The following TENM1 variants were observed in gnomAD, a reference collection of about 807,000 sequenced individuals.
TENM1 encodes the protein teneurin transmembrane protein 1.
TENM1 carries 35 observed loss-of-function variants against 174.8 expected under a neutral mutation model. The ratio of observed to expected loss-of-function variants is 0.20; its 90% CI spans 0.15 to 0.27. The LOEUF is 0.27. TENM1 is among the 10% of genes least tolerant of loss of function. The pLI is 1.00. For missense variants in TENM1, 1,633 were observed against 2,130.1 expected (o/e 0.77, Z 4.59); for synonymous variants, 781 against 798.7 (o/e 0.98, Z 0.37).
intron 24 of TENM1, among the ~76,000 whole-genome samples, chrX:124,421,548 A>G (rs751080753): frequency 3.0e-4 from 33 of 110,404 alleles, no homozygotes; most frequent in African/African-American, 1.1e-3. Context: ...CAATAATTGT[A>G]TCTGTTGACA....
chrX:125,178,566 A>G, the TENM1 span, among the ~76,000 whole-genome samples: 1 of 111,458 alleles, frequency 9.0e-6, no homozygotes, highest in African/African-American at 3.3e-5. Flanking sequence ...AAAGAAGAAA[A>G]AGGTCAATCT....
chrX:124,800,577 G>T (rs1165254676), intron 3 of TENM1, among the ~76,000 whole-genome samples: 1 of 110,795 alleles, frequency 9.0e-6, no homozygotes, highest in African/African-American at 3.3e-5. Context: ...TTCTTTGAAG[G>T]ATTTTTCATG....
At chrX:124,875,633 T>C (rs753846664) in intron 3 of TENM1, among the ~76,000 whole-genome samples, 2 of 109,998 alleles carry the variant, frequency 1.8e-5, no homozygotes, top group South Asian at 3.9e-4. Flanking sequence ...CCCAGCACTT[T>C]GGGAGGCCAA....
At chrX:125,124,827 C>T in the TENM1 span, among the ~76,000 whole-genome samples, 4 of 111,986 alleles carry the variant, frequency 3.6e-5, no homozygotes, top group Non-Finnish European at 1.9e-5. Flanking sequence ...GAATTACAGA[C>T]GTTTTGGAGT....
intron 3 of TENM1, among the ~76,000 whole-genome samples, chrX:124,870,852 T>C (rs1227653695): frequency 9.0e-6 from 1 of 111,671 alleles, no homozygotes; most frequent in Non-Finnish European, 1.9e-5. Flanking sequence ...GTCTACTCTT[T>C]TATTATTTTT....
At chrX:124,750,729 T>C (rs957183831) in intron 3 of TENM1, among the ~76,000 whole-genome samples, 3 of 111,960 alleles carry the variant, frequency 2.7e-5, no homozygotes, top group Admixed American at 9.5e-5. Context: ...GAGAACTTAG[T>C]GCAAGGCCTT....
At chrX:124,519,395 GTCTCTC>G (rs764225363) in intron 18 of TENM1, among the ~76,000 whole-genome samples, 4 of 108,545 alleles carry the variant, frequency 3.7e-5, no homozygotes, top group African/African-American at 1.3e-4. Context: ...AGAGTCATTA[GTCTCTC>G]TCTCTCTCTC....
intron 1 of TENM1, among the ~76,000 whole-genome samples, chrX:124,900,304 T>G (rs997863054): frequency 6.3e-5 from 7 of 111,847 alleles, no homozygotes; most frequent in Non-Finnish European, 9.4e-5. Flanking sequence ...CTACATATGG[T>G]ATGCTTCCAT....
chrX:124,916,024 T>C (rs2057917401), intron 1 of TENM1, among the ~76,000 whole-genome samples: 1 of 111,694 alleles, frequency 9.0e-6, no homozygotes, highest in Admixed American at 9.5e-5. Flanking sequence ...TCTAGACCAT[T>C]CATGTTTGGA....
At chrX:124,522,028 A>G (rs1232793393) in intron 17 of TENM1, among the ~76,000 whole-genome samples, 1 of 111,874 alleles carries the variant, frequency 8.9e-6, no homozygotes, top group Non-Finnish European at 1.9e-5. Context: ...AAAACATGCA[A>G]TCCTAAATAA....
chrX:124,969,999 TTTC>T, the TENM1 span, among the ~76,000 whole-genome samples: 1 of 111,969 alleles, frequency 8.9e-6, no homozygotes, highest in African/African-American at 3.2e-5. Flanking sequence ...TCCTCTTCCC[TTTC>T]TTCCTTTGTC....
At chrX:124,646,098 T>A (rs763029629) in intron 9 of TENM1, among the ~76,000 whole-genome samples, 10 of 112,186 alleles carry the variant, frequency 8.9e-5, no homozygotes, top group Non-Finnish European at 1.7e-4. Context: ...AGAAAACATC[T>A]CTGAAATAAT....
At chrX:125,071,335 G>C in the TENM1 span, among the ~76,000 whole-genome samples, 1 of 111,617 alleles carries the variant, frequency 9.0e-6, no homozygotes, top group African/African-American at 3.3e-5. Context: ...TTTACTGAAG[G>C]AAAAATAAAT....
chrX:124,994,256 AT>A, the TENM1 span, among the ~76,000 whole-genome samples: 975 of 93,347 alleles, frequency 0.01, 19 homozygotes, highest in African/African-American at 0.038. Context: ...GACCAAATCA[AT>A]TGGCAGGTTT....
chrX:125,044,853 A>T, the TENM1 span, among the ~76,000 whole-genome samples: 2 of 111,580 alleles, frequency 1.8e-5, no homozygotes, highest in Non-Finnish European at 3.8e-5. Context: ...CAACAATTAC[A>T]TTTTCAATTA....
chrX:124,476,761 C>G (rs2046734985), intron 22 of TENM1, among the ~76,000 whole-genome samples: 1 of 112,177 alleles, frequency 8.9e-6, no homozygotes. Context: ...TTACATGACT[C>G]ATTAGTTTCA....
the TENM1 span, among the ~76,000 whole-genome samples, chrX:125,148,359 C>T: frequency 9.0e-6 from 1 of 111,123 alleles, no homozygotes; most frequent in Non-Finnish European, 1.9e-5. Context: ...TACCCAACAG[C>T]ACTGGTTTTC....
At chrX:124,735,360 TATTA>T (rs2053646640) in intron 4 of TENM1, among the ~76,000 whole-genome samples, 1 of 112,113 alleles carries the variant, frequency 8.9e-6, no homozygotes, top group South Asian at 3.7e-4. Flanking sequence ...TGCTCAACAT[TATTA>T]ATTATCAGAG....
chrX:124,651,598 C>T (rs1399962220), intron 8 of TENM1, among the ~76,000 whole-genome samples: 6 of 111,308 alleles, frequency 5.4e-5, no homozygotes, highest in Non-Finnish European at 1.9e-5. Context: ...CCCTTTTTCA[C>T]TGAAATTGTT....
Sources: gnomAD v4.1 joint callset for allele counts (sites outside exome capture counted in the v4.1 genomes callset) on GRCh38, gnomAD v4.1.1 for gene constraint, MANE v1.5 for transcripts, NCBI Gene and HGNC (gene_info 2026-07-23, HGNC 2026-07-21) for gene names.